Variants in CCDC178 observed in about 807,000 individuals in gnomAD.
CCDC178 encodes coiled-coil domain containing 178, also known as coiled-coil domain-containing protein 178.
Under a neutral mutation model 117.4 loss-of-function variants are expected in CCDC178, and 126 were observed. The ratio of observed to expected loss-of-function variants is 1.07; its 90% CI spans 0.93 to 1.24. CCDC178 has a LOEUF of 1.24. Ranked by LOEUF, CCDC178 falls within the 50% of genes most tolerant of loss-of-function variation. The pLI, the probability that CCDC178 is intolerant of heterozygous loss-of-function variation, is 0.00. For missense variants in CCDC178, 1,030 were observed against 986.9 expected, an observed-to-expected ratio of 1.04 and a Z score of -0.59; for synonymous variants, 283 against 313.4, an observed-to-expected ratio of 0.90 and a Z score of 1.02.
chr18:33,014,316 C>A (rs2055934644), intron 21 of CCDC178, among the ~76,000 whole-genome samples: 1 of 152,214 alleles, frequency 6.6e-6, no homozygotes, highest in Admixed American at 6.5e-5. Context: ...TAAACAAGCG[C>A]ATGCTTAGAG....
intron 20 of CCDC178, among the ~76,000 whole-genome samples, chr18:33,108,582 T>A (rs2057738192): frequency 6.6e-6 from 1 of 151,658 alleles, no homozygotes. Context: ...TTAAAATAAA[T>A]TTATTTATTC....
At chr18:33,302,564 C>A (rs953975758) in intron 11 of CCDC178, among the ~76,000 whole-genome samples, 1 of 152,066 alleles carries the variant, frequency 6.6e-6, no homozygotes, top group Non-Finnish European at 1.5e-5. Flanking sequence ...CATATGCACG[C>A]CCATGTTCAT....
intron 20 of CCDC178, among the ~76,000 whole-genome samples, chr18:33,117,594 G>A (rs2057875835): frequency 6.6e-6 from 1 of 151,996 alleles, no homozygotes; most frequent in Non-Finnish European, 1.5e-5. Flanking sequence ...CGGGGAGAGG[G>A]ATAGCATTAG....
chr18:33,153,444 TTTATCTC>T (rs1207506430), intron 20 of CCDC178, among the ~76,000 whole-genome samples: 1 of 151,990 alleles, frequency 6.6e-6, no homozygotes, highest in East Asian at 1.9e-4. Flanking sequence ...TTACTAAACT[TTTATCTC>T]TTATGTCTCT....
chr18:33,389,646 A>G lies in CCDC178; in HGVS notation c.119-17T>C, dbSNP rs373297575. On this transcript the variant is annotated splice_polypyrimidine_tract_variant and intron_variant, in intron 4 of 22. Coordinates refer to ENST00000383096, the MANE Select transcript of CCDC178 (RefSeq NM_001105528.4). Reference sequence around the variant, plus strand: ...TGGCATTGCCTTTTAAAAAGAAAAAATACATATTTTAGTGAGTAGTTAATA... The same window carrying G: ...TGGCATTGCCTTTTAAAAAGAAAAAGTACATATTTTAGTGAGTAGTTAATA... 16 of 1,356,384 alleles carry G rather than the reference A, an allele frequency of 1.2e-5. No individual in the cohort carries two copies. The highest frequency in any genetic ancestry group is 1.3e-5 in the Non-Finnish European group (13 of 1,007,092). The allele number at this position is 1,356,384 out of a possible 1,614,324, so 84.0% of individuals were successfully genotyped here.
intron 20 of CCDC178, among the ~76,000 whole-genome samples, chr18:33,180,282 T>C (rs1422394873): frequency 1.3e-5 from 2 of 151,870 alleles, no homozygotes; most frequent in Non-Finnish European, 2.9e-5. Flanking sequence ...AGTCCTTCTT[T>C]ATATCCATGT....
At chr18:33,367,003 C>A (rs1312787284) in intron 6 of CCDC178, among the ~76,000 whole-genome samples, 1 of 152,044 alleles carries the variant, frequency 6.6e-6, no homozygotes, top group Non-Finnish European at 1.5e-5. Context: ...CCCTTTTCTG[C>A]ATTTCCCTCA....
At chr18:33,238,481 G>A (rs954160656) in intron 15 of CCDC178, among the ~76,000 whole-genome samples, 2 of 151,822 alleles carry the variant, frequency 1.3e-5, no homozygotes, top group Non-Finnish European at 2.9e-5. Context: ...CAGAAAACTA[G>A]AGCTGAATAA....
At chr18:32,947,280 A>G (rs2054378699) in intron 22 of CCDC178, among the ~76,000 whole-genome samples, 1 of 152,210 alleles carries the variant, frequency 6.6e-6, no homozygotes. Flanking sequence ...GAAACTGCAA[A>G]ATATTTTCTA....
At chr18:33,337,251 A>T (rs2062753341) in intron 9 of CCDC178, among the ~76,000 whole-genome samples, 1 of 151,904 alleles carries the variant, frequency 6.6e-6, no homozygotes, top group Non-Finnish European at 1.5e-5. Context: ...TTGTACACAA[A>T]ATTATTATCC....
At chr18:33,270,005 GC>G (rs2059867790) in intron 12 of CCDC178, among the ~76,000 whole-genome samples, 1 of 151,578 alleles carries the variant, frequency 6.6e-6, no homozygotes, top group Non-Finnish European at 1.5e-5. Flanking sequence ...TAATGTTTTA[GC>G]AAATAGAAAC....
intron 21 of CCDC178, among the ~76,000 whole-genome samples, chr18:33,075,943 T>C (rs1168565015): frequency 6.6e-6 from 1 of 152,178 alleles, no homozygotes; most frequent in African/African-American, 2.4e-5. Context: ...CACTCCACCG[T>C]GGGGTACAAA....
intron 5 of CCDC178, among the ~76,000 whole-genome samples, chr18:33,382,993 C>G (rs1027788128): frequency 6.6e-6 from 1 of 151,730 alleles, no homozygotes; most frequent in South Asian, 2.1e-4. Flanking sequence ...GAGGCAGGGG[C>G]AGGGGGAGGG....
rs1449768311 is a variant in CCDC178, at chr18:32,964,953, A to G, written c.2523+9594T>C. On this transcript the variant is annotated intron_variant, in intron 22 of 22. Coordinates refer to ENST00000383096, the MANE Select transcript of CCDC178 (RefSeq NM_001105528.4). ...TCTCATTAGAACAGAGCGGGACTGT[A>G]TCTTTAACTTGTTTGTTTACTGTCT... is the stretch of plus-strand genomic sequence containing the variant. Among the ~76,000 whole-genome samples, 5 of 151,950 alleles carry G rather than the reference A, an allele frequency of 3.3e-5. No individual in the cohort carries two copies. In the East Asian group the frequency reaches 5.8e-4, roughly 18 times the overall value.
intron 20 of CCDC178, among the ~76,000 whole-genome samples, chr18:33,201,888 G>A (rs2058993203): frequency 6.6e-6 from 1 of 152,128 alleles, no homozygotes; most frequent in Non-Finnish European, 1.5e-5. Context: ...TTACCAAACT[G>A]AATAGAAAAG....
intron 12 of CCDC178, among the ~76,000 whole-genome samples, chr18:33,274,273 A>G (rs9950311): frequency 0.069 from 10,449 of 151,954 alleles, 560 homozygotes; most frequent in African/African-American, 0.14. Context: ...TGCTAAGAAT[A>G]CGTTAGAATT....
chr18:33,436,142 A>C (rs2064287222), intron 2 of CCDC178, among the ~76,000 whole-genome samples: 1 of 152,202 alleles, frequency 6.6e-6, no homozygotes, highest in African/African-American at 2.4e-5. Context: ...GAGAAATTGA[A>C]GGATAAAAAT....
intron 21 of CCDC178, among the ~76,000 whole-genome samples, chr18:32,991,571 G>A (rs2055394125): frequency 6.6e-6 from 1 of 152,168 alleles, no homozygotes; most frequent in Admixed American, 6.5e-5. Flanking sequence ...TGGTAAATAA[G>A]CAAATTTTTA....
chr18:33,067,050 A>G (rs1052236020), intron 21 of CCDC178, among the ~76,000 whole-genome samples: 2 of 152,246 alleles, frequency 1.3e-5, no homozygotes, highest in African/African-American at 4.8e-5. Context: ...AGCAGAATAC[A>G]CATTCTTCTC....
Sources: allele counts gnomAD v4.1 joint callset (sites outside exome capture counted in the v4.1 genomes callset), GRCh38; gene constraint gnomAD v4.1.1; transcripts MANE v1.5; gene names NCBI Gene and HGNC (gene_info 2026-07-23, HGNC 2026-07-21).